Variants in LGR6 observed in about 807,000 individuals in gnomAD.
The protein encoded by LGR6 is leucine rich repeat containing G protein-coupled receptor 6, also known as leucine-rich repeat-containing G protein-coupled receptor 6.
A neutral mutation model predicts 69.4 loss-of-function variants in LGR6; 45 were observed. The ratio of observed to expected loss-of-function variants is 0.65; its 90% confidence interval spans 0.51 to 0.83. The LOEUF is 0.83. LGR6 is among the 40% of genes least tolerant of loss of function. The pLI is 0.00. For missense variants in LGR6, 1,108 were observed against 1,246.7 expected (o/e 0.89, Z 1.68); for synonymous variants, 538 against 555.0 (o/e 0.97, Z 0.43).
intron 6 of LGR6, among the ~76,000 whole-genome samples, chr1:202,283,937 AC>A (rs1666208019): frequency 6.6e-6 from 1 of 152,118 alleles, no homozygotes; most frequent in South Asian, 2.1e-4. Flanking sequence ...AAGTAACTTC[AC>A]CTCTGTGAGC....
At chr1:202,225,087 T>C (rs1660417356) in intron 1 of LGR6, among the ~76,000 whole-genome samples, 1 of 152,214 alleles carries the variant, frequency 6.6e-6, no homozygotes, top group Non-Finnish European at 1.5e-5. Flanking sequence ...AATTTTACTC[T>C]AGTTCCTCGC....
At chr1:202,204,748 AAC>A (rs1388621200) in intron 1 of LGR6, among the ~76,000 whole-genome samples, 8 of 87,134 alleles carry the variant, frequency 9.2e-5, no homozygotes, top group African/African-American at 2.0e-4. Flanking sequence ...CACACCTCCA[AAC>A]ACACACACAC....
intron 4 of LGR6, among the ~76,000 whole-genome samples, chr1:202,253,598 T>G (rs1191470243): frequency 7.2e-6 from 1 of 139,216 alleles, no homozygotes; most frequent in Non-Finnish European, 1.6e-5. Flanking sequence ...CCACCGCGCC[T>G]GGCCAAGATG....
chr1:202,259,678 C>G (rs1664062504), intron 4 of LGR6, among the ~76,000 whole-genome samples: 1 of 152,034 alleles, frequency 6.6e-6, no homozygotes, highest in Admixed American at 6.6e-5. Context: ...CCTTCTCCTC[C>G]TCCTTCCTCC....
At chr1:202,266,441 C>G (rs755760698) in intron 4 of LGR6, among the ~76,000 whole-genome samples, 27 of 152,088 alleles carry the variant, frequency 1.8e-4, no homozygotes, top group Non-Finnish European at 8.8e-5. Flanking sequence ...TCAGCAAGAA[C>G]AAGACCTTTG....
intron 1 of LGR6, among the ~76,000 whole-genome samples, chr1:202,195,962 C>T (rs577279547): frequency 6.6e-6 from 1 of 152,196 alleles, no homozygotes; most frequent in East Asian, 1.9e-4. Flanking sequence ...TAGCTTGCCA[C>T]AATTCCCTCG....
At chr1:202,272,469 C>T (rs1205172399) in intron 4 of LGR6, among the ~76,000 whole-genome samples, 1 of 152,218 alleles carries the variant, frequency 6.6e-6, no homozygotes. Context: ...GGGCAGCAAA[C>T]ACCTCCCCTC....
chr1:202,244,021 A>G (rs1353479585), intron 4 of LGR6, among the ~76,000 whole-genome samples: 3 of 152,050 alleles, frequency 2.0e-5, no homozygotes, highest in African/African-American at 7.3e-5. Flanking sequence ...CAGTGGTGCA[A>G]TCTCAGCTCA....
intron 6 of LGR6, among the ~76,000 whole-genome samples, chr1:202,287,679 C>G (rs1224725152): frequency 6.6e-6 from 1 of 152,182 alleles, no homozygotes; most frequent in Non-Finnish European, 1.5e-5. Flanking sequence ...TTACTCAGGC[C>G]CAAACCTTGG....
intron 4 of LGR6, among the ~76,000 whole-genome samples, chr1:202,256,620 A>G (rs935103010): frequency 6.6e-6 from 1 of 152,220 alleles, no homozygotes; most frequent in African/African-American, 2.4e-5. Flanking sequence ...GTATCAGTTG[A>G]TGGATACTTG....
chr1:202,196,520 A>G (rs1374958892), intron 1 of LGR6, among the ~76,000 whole-genome samples: 1 of 152,146 alleles, frequency 6.6e-6, no homozygotes, highest in Admixed American at 6.5e-5. Context: ...TCTCTGAGCC[A>G]CTCAAACTTT....
intron 7 of LGR6, among the ~76,000 whole-genome samples, chr1:202,297,947 T>A (rs1221576513): frequency 6.6e-6 from 1 of 152,226 alleles, no homozygotes; most frequent in Non-Finnish European, 1.5e-5. Flanking sequence ...GTTTATAGGA[T>A]CACTCCTCAG....
chr1:202,242,528 C>G (rs753673), intron 4 of LGR6, among the ~76,000 whole-genome samples: 2 of 152,298 alleles, frequency 1.3e-5, no homozygotes, highest in East Asian at 3.9e-4. Flanking sequence ...GGTACAGGAA[C>G]TTCCTAATGG....
intron 4 of LGR6, among the ~76,000 whole-genome samples, chr1:202,257,635 A>G (rs894625897): frequency 5.1e-4 from 78 of 152,254 alleles, no homozygotes; most frequent in African/African-American, 1.9e-3. Flanking sequence ...CCATAAATGT[A>G]AGAATTTATT....
In LGR6 at chr1:202,310,262, C is replaced by A. The variant is rs751492456; in HGVS notation, c.1472C>A (p.Ala491Asp). ...PYGMCASFFKASGQWEAEDLH... is the reference protein window; with the variant it reads ...PYGMCASFFKDSGQWEAEDLH... ...GGGATGTGTGCCAGCTTCTTCAAGG[C>A]CTCTGGGCAGTGGGAGGCTGAAGAC... Residue 491 changes from alanine (A) to aspartate (D), a missense_variant, in exon 16 of 18, where the codon GCC (alanine) becomes GAC (aspartate). Transcript: ENST00000367278. 7 of 1,614,098 alleles carry A rather than the reference C, an allele frequency of 4.3e-6. No homozygotes were observed. The South Asian group carries it at 6.6e-5, about 15-fold the overall frequency.
rs369672012 is a variant in LGR6 at position 202,197,478 on chromosome 1, G to T, written c.212+3277G>T. ...AGCGAGGCTCATTGACACTCACCGG[G>T]GTTTTGACATTCTCCCTGGTTAGGG... is the stretch of plus-strand genomic sequence containing the variant. On this transcript the variant is annotated intron_variant, in intron 1 of 17. Coordinates refer to ENST00000367278, the MANE Select transcript of LGR6 (RefSeq NM_001017403.2). The T allele has an allele frequency of 5.6e-6, 3 of 532,982 alleles. No individual in the cohort carries two copies. The Admixed American group carries it at 5.8e-5, about 10-fold the overall frequency. 33.0% of individuals were successfully genotyped at this position (532,982 alleles called of 1,614,324 possible).
intron 9 of LGR6, among the ~76,000 whole-genome samples, chr1:202,302,523 G>A (rs1667676901): frequency 6.6e-6 from 1 of 152,144 alleles, no homozygotes; most frequent in South Asian, 2.1e-4. Context: ...GTCTAAAGCA[G>A]TTTAAGAGAA....
intron 6 of LGR6, among the ~76,000 whole-genome samples, chr1:202,294,195 G>C (rs957035896): frequency 1.3e-5 from 2 of 152,174 alleles, no homozygotes; most frequent in African/African-American, 4.8e-5. Flanking sequence ...TTGAGCTCCT[G>C]CTATGCGCCA....
At chr1:202,244,320 C>T (rs1378120276) in intron 4 of LGR6, among the ~76,000 whole-genome samples, 5 of 152,186 alleles carry the variant, frequency 3.3e-5, no homozygotes, top group Non-Finnish European at 5.9e-5. Context: ...TTAAGGACCA[C>T]TGTTACAGAA....
Sources: gnomAD v4.1 joint callset for allele counts (sites outside exome capture counted in the v4.1 genomes callset) on GRCh38, gnomAD v4.1.1 for gene constraint, MANE v1.5 for transcripts, NCBI Gene and HGNC (gene_info 2026-07-23, HGNC 2026-07-21) for gene names.